SLC39A9: variants seen among roughly 807,000 people sequenced by gnomAD.
SLC39A9 encodes the protein zinc transporter ZIP9.
Under a neutral mutation model 28.4 loss-of-function variants are expected in SLC39A9, and 14 were observed. The observed-to-expected ratio is 0.49, with a 90% CI of 0.33 to 0.77. The LOEUF (loss-of-function observed/expected upper bound fraction) is 0.77. Among genes scored for constraint, SLC39A9 ranks in the 30% least tolerant of loss-of-function variants. SLC39A9 has a pLI of 0.02. For missense variants in SLC39A9, 283 were observed against 381.1 expected (o/e 0.74, Z 2.14); for synonymous variants, 119 against 149.6 (o/e 0.80, Z 1.49).
At chr14:69,436,469 C>T (rs1265983488) in intron 2 of SLC39A9, among the ~76,000 whole-genome samples, 1 of 152,022 alleles carries the variant, frequency 6.6e-6, no homozygotes, top group Non-Finnish European at 1.5e-5. Context: ...AATCTGAGTC[C>T]CGTCAAAATC....
chr14:69,415,650 TC>T (rs869195077), intron 1 of SLC39A9, among the ~76,000 whole-genome samples: 2 of 119,036 alleles, frequency 1.7e-5, no homozygotes, highest in African/African-American at 3.0e-5. Flanking sequence ...GTGCTGGGGA[TC>T]AGGGGGGATT....
chr14:69,408,841 A>G (rs1042500604), intron 1 of SLC39A9, among the ~76,000 whole-genome samples: 2 of 152,206 alleles, frequency 1.3e-5, no homozygotes, highest in Admixed American at 1.3e-4. Context: ...CACAACGTCA[A>G]AGTGCAGTTG....
chr14:69,406,925 A>C (rs1882949285), intron 1 of SLC39A9, among the ~76,000 whole-genome samples: 1 of 127,406 alleles, frequency 7.8e-6, no homozygotes, highest in East Asian at 2.3e-4. Flanking sequence ...ATCTCAGCTC[A>C]CTGCAACCTC....
chr14:69,454,710 A>G (rs1342242672), intron 4 of SLC39A9, 102 bp from the exon 5 acceptor site: 10 of 838,576 alleles, frequency 1.2e-5, no homozygotes, highest in African/African-American at 3.4e-5. Context: ...TAACATTACT[A>G]GATCCAGCTG....
chr14:69,449,067 A>T (rs1421363656), intron 3 of SLC39A9, among the ~76,000 whole-genome samples: 1 of 152,240 alleles, frequency 6.6e-6, no homozygotes, highest in Non-Finnish European at 1.5e-5. Context: ...TTATGGGAGT[A>T]AGCTTAAAAC....
chr14:69,458,409 T>C lies in SLC39A9; in HGVS notation c.740T>C (p.Met247Thr). 8.1e-6 allele frequency: 13 copies of C among 1,614,256 alleles called. No individual in the cohort carries two copies. The highest frequency in any genetic ancestry group is 1.0e-5 in the Non-Finnish European group (12 of 1,180,036). ...LSEVNATGVA[M>T]LFSAGTFLYV... ...GAGGTGAACGCCACGGGAGTGGCCATGCTTTTCTCTGCCGGGACATTTCTT... is the reference window on the plus strand; with the variant it reads ...GAGGTGAACGCCACGGGAGTGGCCACGCTTTTCTCTGCCGGGACATTTCTT... Residue 247 changes from methionine to threonine, a missense_variant, in exon 7 of 7, where the codon ATG (methionine) becomes ACG (threonine). Transcript: ENST00000336643.
At chr14:69,436,867 C>G (rs1398797726) in intron 2 of SLC39A9, among the ~76,000 whole-genome samples, 1 of 152,128 alleles carries the variant, frequency 6.6e-6, no homozygotes, top group African/African-American at 2.4e-5. Flanking sequence ...GGGCTTCTAT[C>G]AAAAGAAAGT....
chr14:69,422,572 G>T (rs778010720), intron 1 of SLC39A9, among the ~76,000 whole-genome samples: 19 of 151,992 alleles, frequency 1.3e-4, no homozygotes, highest in Admixed American at 2.6e-4. Flanking sequence ...ACCGGGCCTG[G>T]CTCTCCTTGC....
chr14:69,446,319 G>A (rs1885300289), intron 3 of SLC39A9, among the ~76,000 whole-genome samples: 1 of 150,936 alleles, frequency 6.6e-6, no homozygotes, highest in Admixed American at 6.6e-5. Flanking sequence ...CTGAAGATGG[G>A]GCCTAGAAAT....
chr14:69,436,711 T>C (rs1884779020), intron 2 of SLC39A9, among the ~76,000 whole-genome samples: 1 of 152,156 alleles, frequency 6.6e-6, no homozygotes, highest in Non-Finnish European at 1.5e-5. Flanking sequence ...CTCTCTCAGC[T>C]CTTTCCTCTC....
Position 69,453,119 on chromosome 14 carries a change from T to A in SLC39A9, c.404-122T>A, listed in dbSNP as rs1885694171. The A allele has an allele frequency of 1.8e-5, 13 of 742,720 alleles. No homozygotes were observed. In the South Asian group the frequency reaches 2.1e-4, roughly 12 times the overall value. The allele number at this position is 742,720 out of a possible 1,614,324, so 46.0% of individuals were successfully genotyped here. A position where few individuals can be genotyped will look rare whatever the true frequency, so the allele number is the denominator to read the frequency against. ...TGGGAGGGTGAGGCGGGCGGATCATTGGAGGTCAGGAGTTTGAGACCAGCC... is the reference window on the plus strand; with the variant it reads ...TGGGAGGGTGAGGCGGGCGGATCATAGGAGGTCAGGAGTTTGAGACCAGCC... On this transcript the variant is annotated intron_variant, in intron 3 of 6. Coordinates refer to ENST00000336643, the MANE Select transcript of SLC39A9 (RefSeq NM_018375.5).
Position 69,459,007 on chromosome 14 carries a change from C to T in SLC39A9, c.*414C>T, listed in dbSNP as rs1031552746. 3.0e-6 allele frequency: 3 copies of T among 992,110 alleles called. No homozygotes were observed. The highest frequency in any genetic ancestry group is 3.5e-5 in the African/African-American group (2 of 57,370). The allele number at this position is 992,110 out of a possible 1,614,324, so 61.5% of individuals were successfully genotyped here. On this transcript the variant is annotated 3_prime_UTR_variant, in exon 7 of 7. Transcript: ENST00000336643. ...AGTTTAGAGGCTCTGCTACTTTATCCATTGATTTTTAACATGGTTCCCACC... is the reference window on the plus strand; with the variant it reads ...AGTTTAGAGGCTCTGCTACTTTATCTATTGATTTTTAACATGGTTCCCACC...
At chr14:69,444,445 T>C (rs1885198331) in intron 3 of SLC39A9, among the ~76,000 whole-genome samples, 2 of 152,110 alleles carry the variant, frequency 1.3e-5, no homozygotes, top group African/African-American at 4.8e-5. Flanking sequence ...TGAATACAAG[T>C]CAAAGCTATG....
intron 6 of SLC39A9, among the ~76,000 whole-genome samples, chr14:69,456,441 C>T (rs867601133): frequency 2.6e-5 from 4 of 152,204 alleles, no homozygotes; most frequent in East Asian, 1.9e-4. Flanking sequence ...CCTTCCTTAA[C>T]GGGAACTTAG....
rs1450616096 is a variant in SLC39A9 at position 69,461,734 on chromosome 14, T to C, written c.*3141T>C. 6.5e-7 allele frequency: 1 copy of C among 1,535,800 alleles called. No individual in the cohort carries two copies. Among genetic ancestry groups the C allele is most frequent in the East Asian group, 2.4e-5 (1 of 40,918 alleles). ...GAGGACACACCAGCATCGGAGTGTA[T>C]TAAGCCCCTGAAACACATGGTAGCT... On this transcript the variant is annotated 3_prime_UTR_variant, in exon 7 of 7. Transcript: ENST00000336643.
At chr14:69,413,343 G>A (rs1384757158) in intron 1 of SLC39A9, among the ~76,000 whole-genome samples, 1 of 150,808 alleles carries the variant, frequency 6.6e-6, no homozygotes, top group Non-Finnish European at 1.5e-5. Context: ...GCAACAGAGC[G>A]AGACTCCGTC....
At chr14:69,454,929 T>A in intron 5 of SLC39A9, 32 bp downstream of exon 5, 1 of 1,532,118 alleles carries the variant, frequency 6.5e-7, no homozygotes, top group Non-Finnish European at 9.0e-7. Context: ...GGTTTGGTAT[T>A]GAGTGTATTC....
chr14:69,453,541 A>G (rs550886586), intron 4 of SLC39A9, among the ~76,000 whole-genome samples: 28 of 152,026 alleles, frequency 1.8e-4, no homozygotes, highest in African/African-American at 6.7e-4. Context: ...AAAGAGAGAG[A>G]GGAACATACT....
At chr14:69,446,270 T>A (rs1416034777) in intron 3 of SLC39A9, among the ~76,000 whole-genome samples, 3 of 146,326 alleles carry the variant, frequency 2.1e-5, no homozygotes, top group Non-Finnish European at 3.0e-5. Context: ...GTATATATAT[T>A]TATATATACA....
Sources: gnomAD v4.1 joint callset for allele counts (sites outside exome capture counted in the v4.1 genomes callset) on GRCh38, gnomAD v4.1.1 for gene constraint, MANE v1.5 for transcripts, NCBI Gene and HGNC (gene_info 2026-07-23, HGNC 2026-07-21) for gene names.